Variants in ATP6V1E2 observed in about 807,000 individuals in gnomAD.
ATP6V1E2 encodes the protein V-type proton ATPase subunit E 2.
For missense variants in ATP6V1E2, 308 were observed against 273.3 expected (o/e 1.13, Z -0.90); for synonymous variants, 121 against 104.2 (o/e 1.16, Z -0.98).
chr2:46,521,477 CA>C (rs1451966254), intron 4 of ATP6V1E2, among the ~76,000 whole-genome samples: 1 of 152,064 alleles, frequency 6.6e-6, no homozygotes, highest in Non-Finnish European at 1.5e-5. Flanking sequence ...TACCCCTAGC[CA>C]AAAGGGAAGC....
At chr2:46,527,176 C>A (rs969280979) in intron 4 of ATP6V1E2, among the ~76,000 whole-genome samples, 2 of 152,094 alleles carry the variant, frequency 1.3e-5, no homozygotes, top group African/African-American at 4.8e-5. Flanking sequence ...ACTTCAGCCT[C>A]CTGAGTAGCT....
chr2:46,525,440 C>A (rs1384922738), intron 4 of ATP6V1E2, among the ~76,000 whole-genome samples: 1 of 127,998 alleles, frequency 7.8e-6, no homozygotes, highest in Non-Finnish European at 1.6e-5. Flanking sequence ...CCCGCCTGGG[C>A]GACAGAACGA....
rs1667843514 is a variant in ATP6V1E2, at chr2:46,542,554, C to G, written c.-711G>C. 1 of 148,152 alleles carries G rather than the reference C, an allele frequency of 6.7e-6. No homozygotes were observed. Among genetic ancestry groups the G allele is most frequent in the South Asian group, 2.1e-4 (1 of 4,830 alleles). 9.2% of individuals were successfully genotyped at this position (148,152 alleles called of 1,614,324 possible). On this transcript the variant is annotated 5_prime_UTR_variant, in exon 1 of 5. Coordinates refer to ENST00000522587, the MANE Select transcript of ATP6V1E2 (RefSeq NM_001318063.2). ...TGGGGCTCGGGTGCGCCGGCAGGGC[C>G]GCGCGGCGGCAGCAGGCGGGGGCGC...
At chr2:46,533,208 T>C (rs1667271615) in intron 4 of ATP6V1E2, among the ~76,000 whole-genome samples, 1 of 6,082 alleles carries the variant, frequency 1.6e-4, no homozygotes. Flanking sequence ...TATGTGTAGA[T>C]AGATAGATAG....
At chr2:46,533,502 C>A (rs909372091) in intron 4 of ATP6V1E2, among the ~76,000 whole-genome samples, 1 of 152,052 alleles carries the variant, frequency 6.6e-6, no homozygotes, top group South Asian at 2.1e-4. Context: ...TTAAACTCTC[C>A]AGCTCAAGCA....
At chr2:46,515,731 G>A (rs1229849822) in intron 4 of ATP6V1E2, among the ~76,000 whole-genome samples, 1 of 152,180 alleles carries the variant, frequency 6.6e-6, no homozygotes, top group Non-Finnish European at 1.5e-5. Flanking sequence ...GATATAAAGT[G>A]GCTGAATGGA....
chr2:46,531,748 G>T (rs1667191840), intron 4 of ATP6V1E2, among the ~76,000 whole-genome samples: 1 of 152,110 alleles, frequency 6.6e-6, no homozygotes, highest in Admixed American at 6.6e-5. Flanking sequence ...GTACCTCATT[G>T]AGGTTTTTAT....
chr2:46,525,961 T>C (rs1275464183), intron 4 of ATP6V1E2, among the ~76,000 whole-genome samples: 1 of 152,096 alleles, frequency 6.6e-6, no homozygotes. Context: ...TTCCCCGGTC[T>C]GTTGCCTTAG....
In ATP6V1E2 at chr2:46,540,901, T is replaced by C. The variant is rs190669132; in HGVS notation, c.-310+489A>G. ...CACTGCATGATTCATCGGACATCAG[T>C]TCCCCACTGGGAATGCTATGACATT... is the stretch of plus-strand genomic sequence containing the variant. On this transcript the variant is annotated intron_variant, in intron 2 of 4. Coordinates refer to ENST00000522587, the MANE Select transcript of ATP6V1E2 (RefSeq NM_001318063.2). 3.4e-3 allele frequency among the ~76,000 whole-genome samples: 515 copies of C among 152,212 alleles called. 8 individuals carry two copies. Among genetic ancestry groups the C allele is most frequent in the Non-Finnish European group, 2.3e-3 (155 of 68,014 alleles).
chr2:46,522,269 C>T (rs1254838272), intron 4 of ATP6V1E2, among the ~76,000 whole-genome samples: 5 of 141,422 alleles, frequency 3.5e-5, no homozygotes, highest in Non-Finnish European at 7.6e-5. Flanking sequence ...GGGCGACAGA[C>T]GGAGACTCTG....
Position 46,512,625 on chromosome 2 carries a change from T to C in ATP6V1E2, c.87A>G (p.Glu29=), listed in dbSNP as rs374785394. 5 of 1,614,104 alleles carry C rather than the reference T, an allele frequency of 3.1e-6. No homozygotes were observed. Among genetic ancestry groups the C allele is most frequent in the Admixed American group, 1.7e-5 (1 of 59,998 alleles). The part of the protein sequence containing the change: ...IEQEANEKAE[E]IDAKAEEEFN... ...ACTCTTCCTCAGCCTTGGCATCGAT[T>C]TCCTCTGCTTTCTCATTGGCTTCCT... Residue 29 remains glutamate, a synonymous_variant, in exon 5 of 5, where the codon GAA becomes GAG. Transcript: ENST00000522587.
rs946944802 is a variant in ATP6V1E2 at position 46,530,656 on chromosome 2, G to A, written c.-102+5157C>T. 1.4e-4 allele frequency among the ~76,000 whole-genome samples: 21 copies of A among 151,900 alleles called. No individual in the cohort carries two copies. Among genetic ancestry groups the A allele is most frequent in the South Asian group, 8.3e-4 (4 of 4,814 alleles). On this transcript the variant is annotated intron_variant, in intron 4 of 4. Transcript: ENST00000522587. This position sits in a 1 kb window ranked among gnomAD's most constrained non-coding sequence, Gnocchi z 5.2. ...ATGTATTAGTTTGTTCTCACACTGC[G>A]AATAAAGACATAACCAGGACTGGGT...
At chr2:46,538,620 G>T (rs990662737) in intron 2 of ATP6V1E2, among the ~76,000 whole-genome samples, 2 of 152,018 alleles carry the variant, frequency 1.3e-5, no homozygotes, top group African/African-American at 4.8e-5. Flanking sequence ...CCTTTGTGAT[G>T]GGGGAGTAGT....
chr2:46,521,799 T>G (rs1196028422), intron 4 of ATP6V1E2, among the ~76,000 whole-genome samples: 1 of 152,094 alleles, frequency 6.6e-6, no homozygotes, highest in Non-Finnish European at 1.5e-5. Flanking sequence ...CAAGCGATTC[T>G]CCTGCCTCAG....
At chr2:46,531,998 T>G (rs1478820693) in intron 4 of ATP6V1E2, among the ~76,000 whole-genome samples, 1 of 152,258 alleles carries the variant, frequency 6.6e-6, no homozygotes, top group Non-Finnish European at 1.5e-5. Context: ...CTTTTCACTT[T>G]CTTGATAATG....
chr2:46,514,350 A>T (rs893698314), intron 4 of ATP6V1E2, among the ~76,000 whole-genome samples: 1 of 152,134 alleles, frequency 6.6e-6, no homozygotes, highest in Non-Finnish European at 1.5e-5. Context: ...CCCTACACCT[A>T]CTGAATCAGA....
At chr2:46,513,653 G>A (rs763803079) in intron 4 of ATP6V1E2, among the ~76,000 whole-genome samples, 5 of 151,644 alleles carry the variant, frequency 3.3e-5, no homozygotes, top group Admixed American at 1.3e-4. Context: ...GTGAAACCCC[G>A]TCTCTACTAA....
intron 2 of ATP6V1E2, among the ~76,000 whole-genome samples, chr2:46,540,609 G>A (rs1324221678): frequency 2.6e-5 from 2 of 76,328 alleles, no homozygotes; most frequent in African/African-American, 1.2e-4. Flanking sequence ...AGCTTTTTCT[G>A]TAACTTTTTT....
At chr2:46,519,884 T>G (rs1666524337) in intron 4 of ATP6V1E2, 1 of 152,164 alleles carries the variant, frequency 6.6e-6, no homozygotes, top group Non-Finnish European at 1.5e-5. Flanking sequence ...CTCACTAAAG[T>G]GGAAACATAT....
Sources: allele counts gnomAD v4.1 joint callset (sites outside exome capture counted in the v4.1 genomes callset), GRCh38; gene constraint gnomAD v4.1.1; non-coding constraint Gnocchi (gnomAD v3.1); transcripts MANE v1.5; gene names NCBI Gene and HGNC (gene_info 2026-07-23, HGNC 2026-07-21).